The following SLC4A10 variants were observed in gnomAD, a reference collection of about 807,000 sequenced individuals.
SLC4A10 encodes sodium-driven chloride bicarbonate exchanger.
SLC4A10 carries 42 observed loss-of-function variants against 137.7 expected under a neutral mutation model. That is an observed-to-expected ratio of 0.30 (90% CI 0.24 to 0.39). The LOEUF (loss-of-function observed/expected upper bound fraction) is 0.39, where lower values mean the gene tolerates loss of function less well. Among genes scored for constraint, SLC4A10 ranks in the 10% least tolerant of loss-of-function variants. The pLI is 1.00. For synonymous variants in SLC4A10, 474 were observed against 464.1 expected (o/e 1.02, Z -0.27); for missense variants, 925 against 1,355.0 (o/e 0.68, Z 4.98).
intron 1 of SLC4A10, among the ~76,000 whole-genome samples, chr2:161,671,032 G>C (rs2039645405): frequency 6.6e-6 from 1 of 152,110 alleles, no homozygotes; most frequent in African/African-American, 2.4e-5. Flanking sequence ...AATGATAATA[G>C]GTCGTTGGTA....
rs1219647716 is a variant in SLC4A10, at chr2:161,836,623, A to AAAAG, written c.278-3158_278-3155dup. Among the ~76,000 whole-genome samples, 17 of 146,334 alleles carry AAAAG rather than the reference A, an allele frequency of 1.2e-4. 1 individual carries two copies. In the South Asian group the frequency reaches 1.3e-3, roughly 11 times the overall value. On this transcript the variant is annotated intron_variant, in intron 3 of 26. Coordinates refer to ENST00000446997, the MANE Select transcript of SLC4A10 (RefSeq NM_001178015.2). The stretch of plus-strand genomic sequence containing the variant: ...AAGGAAGGAAGGAAAGAAATGAAAG[A>AAAAG]AAAGAAAGAAAAGAAGAAAGAAAAT...
At chr2:161,983,080 G>A (rs1700440067) in intron 26 of SLC4A10, 99 bp from the exon 27 acceptor site, 2 of 1,024,966 alleles carry the variant, frequency 2.0e-6, no homozygotes, top group South Asian at 1.5e-5. Context: ...GGGCTCTTGT[G>A]GTGCTTTGGG....
intron 4 of SLC4A10, among the ~76,000 whole-genome samples, chr2:161,843,110 G>A (rs1225500777): frequency 6.6e-6 from 1 of 152,012 alleles, no homozygotes; most frequent in Non-Finnish European, 1.5e-5. Context: ...ATATATATTT[G>A]GGCAAGAGTA....
At chr2:161,935,106 A>G (rs1691342884) in intron 15 of SLC4A10, among the ~76,000 whole-genome samples, 1 of 152,154 alleles carries the variant, frequency 6.6e-6, no homozygotes, top group East Asian at 1.9e-4. Context: ...CCACATGTGG[A>G]TATTCAGTTG....
At chr2:161,979,942 C>T (rs925296997) in intron 26 of SLC4A10, among the ~76,000 whole-genome samples, 4 of 152,164 alleles carry the variant, frequency 2.6e-5, no homozygotes, top group African/African-American at 7.2e-5. Flanking sequence ...TATTTTATCT[C>T]GTTTAACTGA....
At chr2:161,832,724 G>T (rs998380301) in intron 3 of SLC4A10, among the ~76,000 whole-genome samples, 28 of 151,100 alleles carry the variant, frequency 1.9e-4, no homozygotes, top group Admixed American at 4.0e-4. Flanking sequence ...TTCTTTTTTT[G>T]TTGTTGTTGT....
rs778891271 is a variant in SLC4A10, at chr2:161,944,588, G to GT, written c.2103+1698dup. Reference sequence around the variant, plus strand: ...CAAATACAGCATTGTGGGGTTGTTGGTTTTTTTCTCTTTTTTTTTGTCATT... The same window carrying GT: ...CAAATACAGCATTGTGGGGTTGTTGGTTTTTTTTCTCTTTTTTTTTGTCATT... On this transcript the variant is annotated intron_variant, in intron 16 of 26. Transcript: ENST00000446997. Among the ~76,000 whole-genome samples, 13 of 151,128 alleles carry GT rather than the reference G, an allele frequency of 8.6e-5. No homozygotes were observed. The East Asian group carries it at 2.3e-3, about 27-fold the overall frequency.
chr2:161,841,445 C>CTA (rs1180641784), intron 4 of SLC4A10, among the ~76,000 whole-genome samples: 1 of 152,130 alleles, frequency 6.6e-6, no homozygotes, highest in East Asian at 1.9e-4. Flanking sequence ...ATTAGAAAGA[C>CTA]TTTATCTTAA....
intron 10 of SLC4A10, among the ~76,000 whole-genome samples, chr2:161,885,678 T>C (rs2062209504): frequency 6.6e-6 from 1 of 152,238 alleles, no homozygotes; most frequent in Non-Finnish European, 1.5e-5. Flanking sequence ...TACCAATGTG[T>C]TGATCCCTTC....
At chr2:161,648,968 A>C (rs1197057303) in intron 1 of SLC4A10, among the ~76,000 whole-genome samples, 1 of 152,162 alleles carries the variant, frequency 6.6e-6, no homozygotes, top group East Asian at 1.9e-4. Context: ...AGTTGCATCA[A>C]AAATTATACT....
intron 10 of SLC4A10, among the ~76,000 whole-genome samples, chr2:161,889,258 A>G (rs62188804): frequency 0.069 from 10,412 of 150,982 alleles, 456 homozygotes; most frequent in East Asian, 0.13. Flanking sequence ...TTTTTGTTGC[A>G]TCTGCCACGT....
At chr2:161,933,207 CTTTCTTTCTTTCTT>C (rs1173859715) in intron 15 of SLC4A10, among the ~76,000 whole-genome samples, 1 of 118,616 alleles carries the variant, frequency 8.4e-6, no homozygotes, top group Non-Finnish European at 1.8e-5. Context: ...TTCTTTCTTT[CTTTCTTTCTTTCTT>C]TCTTTCTTTC....
intron 15 of SLC4A10, among the ~76,000 whole-genome samples, chr2:161,941,227 T>G (rs1692625876): frequency 6.6e-6 from 1 of 152,180 alleles, no homozygotes. Flanking sequence ...TAAAATTTTT[T>G]TCTCTTTATA....
chr2:161,664,644 G>C (rs1678758309), intron 1 of SLC4A10, among the ~76,000 whole-genome samples: 1 of 151,196 alleles, frequency 6.6e-6, no homozygotes, highest in Non-Finnish European at 1.5e-5. Flanking sequence ...GGAATATTAG[G>C]ACTTAGAATG....
At chr2:161,855,182 ACT>A (rs2060033179) in intron 5 of SLC4A10, 52 bp downstream of exon 5, 10 of 1,518,494 alleles carry the variant, frequency 6.6e-6, no homozygotes, top group Non-Finnish European at 8.9e-6. Flanking sequence ...ATTTTTTGTT[ACT>A]CTCTTTTCCT....
chr2:161,717,876 C>G (rs1408687609), intron 1 of SLC4A10, among the ~76,000 whole-genome samples: 2 of 152,172 alleles, frequency 1.3e-5, no homozygotes, highest in African/African-American at 4.8e-5. Context: ...GGTACCAACT[C>G]CTCTTTGTAC....
chr2:161,846,101 A>T (rs2059475775), intron 4 of SLC4A10, among the ~76,000 whole-genome samples: 1 of 152,206 alleles, frequency 6.6e-6, no homozygotes, highest in African/African-American at 2.4e-5. Context: ...TATGTAGAAC[A>T]TATAAAGAAC....
intron 2 of SLC4A10, among the ~76,000 whole-genome samples, chr2:161,797,691 A>G (rs777801639): frequency 6.6e-6 from 1 of 152,058 alleles, no homozygotes; most frequent in Non-Finnish European, 1.5e-5. Context: ...TTCAAGATAT[A>G]TTAAATGCTT....
chr2:161,651,805 T>G (rs1263975495), intron 1 of SLC4A10, among the ~76,000 whole-genome samples: 2 of 142,898 alleles, frequency 1.4e-5, no homozygotes, highest in South Asian at 2.4e-4. Flanking sequence ...CATCCCTCCC[T>G]GCTCTGCGCC....
Sources: allele counts gnomAD v4.1 joint callset (sites outside exome capture counted in the v4.1 genomes callset), GRCh38; gene constraint gnomAD v4.1.1; transcripts MANE v1.5; gene names NCBI Gene and HGNC (gene_info 2026-07-23, HGNC 2026-07-21).